ARHGAP6: variants seen among roughly 807,000 people sequenced by gnomAD.
ARHGAP6 encodes Rho GTPase activating protein 6.
ARHGAP6 carries 16 observed loss-of-function variants against 55.7 expected under a neutral mutation model. The observed-to-expected ratio is 0.29, with a 90% CI of 0.19 to 0.44. The LOEUF (loss-of-function observed/expected upper bound fraction) is 0.44. ARHGAP6 is among the 20% of genes least tolerant of loss of function. The pLI is 1.00. For missense variants in ARHGAP6, 698 were observed against 808.9 expected (o/e 0.86, Z 1.66); for synonymous variants, 382 against 360.9 (o/e 1.06, Z -0.66).
chrX:11,216,396 G>GTAATCCTA (rs1393145344), intron 2 of ARHGAP6, among the ~76,000 whole-genome samples: 2 of 111,891 alleles, frequency 1.8e-5, no homozygotes, highest in African/African-American at 3.2e-5. Context: ...GCTCACGCCT[G>GTAATCCTA]TAATCCTAGC....
intron 1 of ARHGAP6, among the ~76,000 whole-genome samples, chrX:11,280,745 C>CAAAAAAAAAA (rs59290872): frequency 3.8e-5 from 2 of 53,029 alleles, no homozygotes; most frequent in Non-Finnish European, 7.0e-5. Context: ...GACCTTGTCT[C>CAAAAAAAAAA]AAAAAAAAAA....
chrX:11,360,665 G>A (rs1468454539), intron 1 of ARHGAP6, among the ~76,000 whole-genome samples: 5 of 108,361 alleles, frequency 4.6e-5, no homozygotes, highest in Non-Finnish European at 9.6e-5. Context: ...AGGGCAATTA[G>A]GCAGGAGAAG....
chrX:11,137,935 G>A lies in ARHGAP6; in HGVS notation c.*928C>T, dbSNP rs1485358904. The A allele has an allele frequency of 8.9e-6, 1 of 111,960 alleles. No individual in the cohort carries two copies. Among genetic ancestry groups the A allele is most frequent in the African/African-American group, 3.2e-5 (1 of 30,818 alleles). 9.2% of individuals were successfully genotyped at this position (111,960 alleles called of 1,213,427 possible). ...TGGCAAATACTGATTATGGGGCAAA[G>A]GGAAAAAACATGTTCTATAATTTGA... On this transcript the variant is annotated 3_prime_UTR_variant, in exon 13 of 13. Transcript: ENST00000337414.
chrX:11,609,097 G>T (rs2052071707), intron 1 of ARHGAP6, among the ~76,000 whole-genome samples: 1 of 111,528 alleles, frequency 9.0e-6, no homozygotes, highest in African/African-American at 3.3e-5. Context: ...GGCTCCATTG[G>T]TTAGGGGCAG....
At chrX:11,210,506 T>C (rs2046777091) in intron 2 of ARHGAP6, among the ~76,000 whole-genome samples, 1 of 112,682 alleles carries the variant, frequency 8.9e-6, no homozygotes, top group Non-Finnish European at 1.9e-5. Context: ...AAAAGAATGA[T>C]AATTCAGCCT....
At chrX:11,662,407 A>AACACACAC (rs150974482) in intron 1 of ARHGAP6, among the ~76,000 whole-genome samples, 3 of 109,910 alleles carry the variant, frequency 2.7e-5, no homozygotes, top group Non-Finnish European at 3.8e-5. Flanking sequence ...AGGAATTTCC[A>AACACACAC]ACACACACAC....
chrX:11,453,980 G>A (rs1008458400), intron 1 of ARHGAP6, among the ~76,000 whole-genome samples: 2 of 111,317 alleles, frequency 1.8e-5, no homozygotes, highest in Admixed American at 1.9e-4. Context: ...GTCTCGCTCT[G>A]TTGCCCAGGC....
At chrX:11,276,134 A>G in intron 1 of ARHGAP6, among the ~76,000 whole-genome samples, 1 of 111,320 alleles carries the variant, frequency 9.0e-6, no homozygotes, top group Non-Finnish European at 1.9e-5. Context: ...GAGGGGTGGG[A>G]ATGTTTAAAT....
At chrX:11,318,061 C>A (rs748527888) in intron 1 of ARHGAP6, among the ~76,000 whole-genome samples, 1 of 112,254 alleles carries the variant, frequency 8.9e-6, no homozygotes, top group South Asian at 3.7e-4. Context: ...CTTAAATATT[C>A]CCTTCTCCAT....
At chrX:11,201,989 C>CTGTGTG (rs56023548) in intron 2 of ARHGAP6, among the ~76,000 whole-genome samples, 6,872 of 65,298 alleles carry the variant, frequency 0.11, 646 homozygotes, top group East Asian at 0.16. Context: ...GCATCTGGAT[C>CTGTGTG]TGTGTGTGTG....
At chrX:11,540,897 A>G (rs1569389499) in intron 1 of ARHGAP6, among the ~76,000 whole-genome samples, 1 of 112,413 alleles carries the variant, frequency 8.9e-6, no homozygotes, top group African/African-American at 3.2e-5. Context: ...TGGGGAGCCA[A>G]ACAGCTGCTG....
At chrX:11,269,158 G>A (rs769085951) in intron 1 of ARHGAP6, among the ~76,000 whole-genome samples, 1 of 111,329 alleles carries the variant, frequency 9.0e-6, no homozygotes, top group East Asian at 2.9e-4. Flanking sequence ...TATAGCAGCT[G>A]ACCTCACTTT....
intron 1 of ARHGAP6, among the ~76,000 whole-genome samples, chrX:11,582,314 G>C (rs188156115): frequency 2.7e-5 from 3 of 111,226 alleles, no homozygotes; most frequent in Admixed American, 9.6e-5. Flanking sequence ...GTCAACACAG[G>C]GGCAACAGAA....
chrX:11,376,320 C>G (rs1486019683), intron 1 of ARHGAP6, among the ~76,000 whole-genome samples: 1 of 112,603 alleles, frequency 8.9e-6, no homozygotes, highest in Non-Finnish European at 1.9e-5. Flanking sequence ...CTGGATTATC[C>G]AGGTAAAACC....
intron 1 of ARHGAP6, among the ~76,000 whole-genome samples, chrX:11,442,184 TA>T (rs2050046032): frequency 9.0e-6 from 1 of 110,796 alleles, no homozygotes; most frequent in Non-Finnish European, 1.9e-5. Flanking sequence ...TTTTAGCATT[TA>T]ATATTTTTCT....
At chrX:11,644,524 C>T (rs2052507761) in intron 1 of ARHGAP6, among the ~76,000 whole-genome samples, 1 of 110,805 alleles carries the variant, frequency 9.0e-6, no homozygotes, top group South Asian at 3.8e-4. Context: ...GGGCAAAGGT[C>T]TTGAACAGAC....
At chrX:11,481,106 TC>T (rs1158799307) in intron 1 of ARHGAP6, among the ~76,000 whole-genome samples, 1 of 111,331 alleles carries the variant, frequency 9.0e-6, no homozygotes, top group Non-Finnish European at 1.9e-5. Flanking sequence ...TACTAGGATC[TC>T]CCCTGGAGTG....
At chrX:11,248,034 TTTGA>T (rs902746950) in intron 2 of ARHGAP6, among the ~76,000 whole-genome samples, 4 of 112,051 alleles carry the variant, frequency 3.6e-5, no homozygotes, top group Non-Finnish European at 7.5e-5. Context: ...AAAGTCTCTT[TTTGA>T]ACCATGTTAA....
At chrX:11,535,549 C>T (rs2051095104) in intron 1 of ARHGAP6, among the ~76,000 whole-genome samples, 1 of 111,873 alleles carries the variant, frequency 8.9e-6, no homozygotes, top group Non-Finnish European at 1.9e-5. Flanking sequence ...TTTTTCTCCT[C>T]AATGATCAAC....
Sources: gnomAD v4.1 joint callset for allele counts (sites outside exome capture counted in the v4.1 genomes callset) on GRCh38, gnomAD v4.1.1 for gene constraint, MANE v1.5 for transcripts, NCBI Gene and HGNC (gene_info 2026-07-23, HGNC 2026-07-21) for gene names.